The following BOD1L1 variants were observed in gnomAD, a reference collection of about 807,000 sequenced individuals.
The protein encoded by BOD1L1 is biorientation of chromosomes in cell division protein 1-like 1.
Under a neutral mutation model 240.7 loss-of-function variants are expected in BOD1L1, and 86 were observed. That is an observed-to-expected ratio of 0.36 (90% CI 0.30 to 0.43). BOD1L1 has a LOEUF of 0.43. Ranked by LOEUF, BOD1L1 falls within the 20% of genes least tolerant of loss-of-function variation. The pLI is 1.00. For synonymous variants in BOD1L1, 1,268 were observed against 1,272.3 expected (o/e 1.00, Z 0.07); for missense variants, 3,554 against 3,643.5 (o/e 0.98, Z 0.63).
chr4:13,573,494 TTTGAGAAAGAGCCTCTA>T (rs1712419052), intron 25 of BOD1L1, among the ~76,000 whole-genome samples: 2 of 127,082 alleles, frequency 1.6e-5, no homozygotes, highest in South Asian at 2.7e-4. Context: ...CTTTCTTTCT[TTTGAGAAAGAGCCTCTA>T]TCTATCTATC....
intron 25 of BOD1L1, among the ~76,000 whole-genome samples, chr4:13,573,409 C>CTTCT (rs1396213382): frequency 5.7e-5 from 8 of 140,346 alleles, no homozygotes; most frequent in African/African-American, 1.8e-4. Flanking sequence ...ACAGAGTTTG[C>CTTCT]TTCTATCTAT....
chr4:13,590,535 C>G lies in BOD1L1; in HGVS notation c.8149-89G>C. ...GAAGAGAGAAGGTAATTTACATAAC[C>G]TGGCTATTTGTACAAATGCCAAAAG... On this transcript the variant is annotated intron_variant, in intron 13 of 25. Coordinates refer to ENST00000040738, the MANE Select transcript of BOD1L1 (RefSeq NM_148894.3). The G allele has an allele frequency of 5.0e-6, 3 of 605,234 alleles. No individual in the cohort carries two copies. The South Asian group carries it at 7.5e-5, about 15-fold the overall frequency. The allele number at this position is 605,234 out of a possible 1,614,324, so 37.5% of individuals were successfully genotyped here. A position where few individuals can be genotyped will look rare whatever the true frequency, so the allele number is the denominator to read the frequency against.
Position 13,577,453 on chromosome 4 carries a change from C to T in BOD1L1, c.8834G>A (p.Arg2945His), listed in dbSNP as rs79644139. ...ACGTTTGGGTTTTCTTCCTCTCCGA[C>T]GCACACTTGTTACTATTTTTTCTTC... ...DGEEKIVTSV[R>H]RRGRKPKRSL... The change falls in exon 24 of 26, where the codon CGT (arginine) becomes CAT (histidine). Residue 2945 changes from arginine (R) to histidine (H), a missense_variant. Arg to His is a conservative substitution (Grantham distance 29). This residue lies in a region of BOD1L1 where 3,393 missense variants were observed against 3,427.1 expected (regional missense o/e 0.99). Transcript: ENST00000040738. 6.0e-5 allele frequency: 97 copies of T among 1,613,750 alleles called. 1 individual carries two copies. Among genetic ancestry groups the T allele is most frequent in the Middle Eastern group, 5.0e-4 (3 of 6,060 alleles).
At position 13,573,442 on chromosome 4, in the gene BOD1L1, G is replaced by GTCTGTCTATCTATCTATCTATCTA. The variant is rs1384944208; in HGVS notation, c.9039-3315_9039-3314insTAGATAGATAGATAGATAGACAGA. 1.8e-3 allele frequency among the ~76,000 whole-genome samples: 218 copies of GTCTGTCTATCTATCTATCTATCTA among 120,832 alleles called. 2 individuals are homozygous for GTCTGTCTATCTATCTATCTATCTA. Among genetic ancestry groups the GTCTGTCTATCTATCTATCTATCTA allele is most frequent in the East Asian group, 0.012 (50 of 4,280 alleles). 79.3% of individuals were successfully genotyped at this position (120,832 alleles called of 152,430 possible). Reference sequence around the variant, plus strand: ...TATCTGTCTGTCTGTCTGTCTGTCTGTCTATCTATCTATCTATCTATCTAT... The same window carrying GTCTGTCTATCTATCTATCTATCTA: ...TATCTGTCTGTCTGTCTGTCTGTCTGTCTGTCTATCTATCTATCTATCTATCTATCTATCTATCTATCTATCTAT... On this transcript the variant is annotated intron_variant, in intron 25 of 25. Transcript: ENST00000040738.
chr4:13,576,905 C>G lies in BOD1L1; in HGVS notation c.8971G>C (p.Glu2991Gln). 6.2e-7 allele frequency: 1 copy of G among 1,613,828 alleles called. No homozygotes were observed. Among genetic ancestry groups the G allele is most frequent in the Non-Finnish European group, 8.5e-7 (1 of 1,179,688 alleles). The change falls in exon 25 of 26, where the codon GAA becomes CAA. Residue 2991 changes from glutamate to glutamine, a missense_variant. This residue lies in a region of BOD1L1 where 3,393 missense variants were observed against 3,427.1 expected (regional missense o/e 0.99). Transcript: ENST00000040738. The part of the protein sequence containing the change: ...KKEQESDEEE[E>Q]EEEEDEPSGA... Reference sequence around the variant, plus strand: ...GAAGGCTCGTCCTCTTCCTCTTCTTCCTCTTCCTCATCAGACTCCTGCTCT... The same window carrying G: ...GAAGGCTCGTCCTCTTCCTCTTCTTGCTCTTCCTCATCAGACTCCTGCTCT...
In BOD1L1 at chr4:13,604,275, C is replaced by G; in HGVS notation, c.2625G>C (p.Lys875Asn). ...QRRSESYSEDKCDMDSTNMDS... is the reference protein window; with the variant it reads ...QRRSESYSEDNCDMDSTNMDS... ...CCATGTTAGTGGAGTCCATATCACA[C>G]TTATCTTCCGAATAACTTTCACTTC... is the stretch of plus-strand genomic sequence containing the variant. Residue 875 changes from lysine to asparagine, a missense_variant, in exon 10 of 26, where the codon AAG (lysine) becomes AAC (asparagine). Transcript: ENST00000040738. 1 of 1,608,888 alleles carries G rather than the reference C, an allele frequency of 6.2e-7. No individual in the cohort carries two copies. The highest frequency in any genetic ancestry group is 8.5e-7 in the Non-Finnish European group (1 of 1,178,786).
intron 12 of BOD1L1, among the ~76,000 whole-genome samples, chr4:13,594,653 T>C (rs920602598): frequency 6.6e-6 from 1 of 152,134 alleles, no homozygotes; most frequent in Non-Finnish European, 1.5e-5. Flanking sequence ...CCTCAGCACT[T>C]TGGGAGGCCA....
At chr4:13,575,417 G>T (rs968036519) in intron 25 of BOD1L1, among the ~76,000 whole-genome samples, 3 of 152,126 alleles carry the variant, frequency 2.0e-5, no homozygotes, top group African/African-American at 7.2e-5. Flanking sequence ...GAGTCTCACT[G>T]TCACCCAGGC....
intron 1 of BOD1L1, chr4:13,624,968 CT>C (rs1717284739): frequency 6.6e-6 from 1 of 152,214 alleles, no homozygotes; most frequent in Non-Finnish European, 1.5e-5. Context: ...GAATCTTCTA[CT>C]TTGGCCCACG....
At position 13,614,816 on chromosome 4, in the gene BOD1L1, A is replaced by C; in HGVS notation, c.560-6T>G. On this transcript the variant is annotated splice_region_variant and splice_polypyrimidine_tract_variant and intron_variant, in intron 3 of 25. Transcript: ENST00000040738. The stretch of plus-strand genomic sequence containing the variant: ...GGGCCCAGGAGTAGGAACACCTTAA[A>C]GAAAAACAGAAGTTTTAGAATACAT... 1 of 1,590,936 alleles carries C rather than the reference A, an allele frequency of 6.3e-7. No individual in the cohort carries two copies.
At position 13,603,315 on chromosome 4, in the gene BOD1L1, C is replaced by T; in HGVS notation, c.3585G>A (p.Lys1195=). Residue 1195 remains lysine (K), a synonymous_variant, in exon 10 of 26, where the codon AAG becomes AAA. Transcript: ENST00000040738. ...TCAAGGTGCTTCTATGATCGGCATG[C>T]TTTTCAGAATTACTATTAACTCCTG... ...RGTGVNSNSE[K]HADHRSTLTK... 6.2e-7 allele frequency: 1 copy of T among 1,614,004 alleles called. No individual in the cohort carries two copies.
Position 13,582,681 on chromosome 4 carries a change from C to G in BOD1L1, c.8489G>C (p.Ser2830Thr). ...TTCTTCCATGACCCTTGAGGTAGTG[C>G]TATTTGTCTCAGAACTGGTTTTAGG... ...ELPKTSSETN[S>T]TTSRVMEEKD... Residue 2830 changes from serine (S) to threonine (T), a missense_variant, in exon 18 of 26, where the codon AGC becomes ACC. Ser to Thr is a moderately conservative substitution (Grantham distance 58). This residue lies in a region of BOD1L1 where 3,393 missense variants were observed against 3,427.1 expected (regional missense o/e 0.99). Transcript: ENST00000040738. 1 of 1,613,052 alleles carries G rather than the reference C, an allele frequency of 6.2e-7. No homozygotes were observed. Among genetic ancestry groups the G allele is most frequent in the Non-Finnish European group, 8.5e-7 (1 of 1,179,082 alleles).
At chr4:13,573,520 T>C (rs1389323657) in intron 25 of BOD1L1, among the ~76,000 whole-genome samples, 2 of 105,380 alleles carry the variant, frequency 1.9e-5, no homozygotes, top group Non-Finnish European at 4.2e-5. Flanking sequence ...TATCTATCTA[T>C]CTTTCTTTCT....
intron 1 of BOD1L1, among the ~76,000 whole-genome samples, chr4:13,620,928 T>C (rs887492149): frequency 1.3e-5 from 2 of 152,132 alleles, no homozygotes; most frequent in Admixed American, 6.5e-5. Flanking sequence ...CAAGGGACGC[T>C]TGGCAATGTC....
intron 2 of BOD1L1, among the ~76,000 whole-genome samples, chr4:13,616,698 T>A (rs1229679682): frequency 6.6e-6 from 1 of 152,168 alleles, no homozygotes; most frequent in Non-Finnish European, 1.5e-5. Flanking sequence ...TGCACTTCCA[T>A]CTGGAGTGCA....
Position 13,599,021 on chromosome 4 carries a change from T to G in BOD1L1, c.7879A>C (p.Ser2627Arg), listed in dbSNP as rs771998946. 10 of 1,614,008 alleles carry G rather than the reference T, an allele frequency of 6.2e-6. No individual in the cohort carries two copies. In the Admixed American group the frequency reaches 1.7e-4, roughly 27 times the overall value. ...TCCTCAGGGAATGATTTCCTTGTGC[T>G]GTTATCATCTCCTGTTTTCTCAGCA... Reference protein sequence around the residue: ...ASAEKTGDDNSTRKSFPEEGD... With the variant: ...ASAEKTGDDNRTRKSFPEEGD... The change falls in exon 10 of 26, where the codon AGC becomes CGC. Residue 2627 changes from serine to arginine, a missense_variant. Ser to Arg is a moderately radical substitution (Grantham distance 110). Coordinates refer to ENST00000040738, the MANE Select transcript of BOD1L1 (RefSeq NM_148894.3).
chr4:13,601,324 C>T lies in BOD1L1; in HGVS notation c.5576G>A (p.Gly1859Asp). 6.2e-7 allele frequency: 1 copy of T among 1,614,040 alleles called. No individual in the cohort carries two copies. Among genetic ancestry groups the T allele is most frequent in the Non-Finnish European group, 8.5e-7 (1 of 1,179,900 alleles). ...CDDEGIVTST[G>D]AKEEDEEGED... ...CCCTTCCTCGTCTTCCTCTTTTGCG[C>T]CTGTGCTAGTCACAATGCCTTCATC... The change falls in exon 10 of 26, where the codon GGC becomes GAC. Residue 1859 changes from glycine (G) to aspartate (D), a missense_variant. Transcript: ENST00000040738.
At chr4:13,612,711 A>G (rs1716266617) in intron 5 of BOD1L1, among the ~76,000 whole-genome samples, 1 of 152,108 alleles carries the variant, frequency 6.6e-6, no homozygotes, top group Admixed American at 6.6e-5. Flanking sequence ...GCCTGACTGG[A>G]GTGTTTCAGA....
chr4:13,601,619 C>A lies in BOD1L1; in HGVS notation c.5281G>T (p.Val1761Phe). The A allele has an allele frequency of 6.2e-7, 1 of 1,614,010 alleles. No individual in the cohort carries two copies. Among genetic ancestry groups the A allele is most frequent in the Non-Finnish European group, 8.5e-7 (1 of 1,179,898 alleles). Residue 1761 changes from valine (V) to phenylalanine (F), a missense_variant, in exon 10 of 26, where the codon GTC becomes TTC. Around this residue, in one of 2 missense-constraint regions of BOD1L1, gnomAD observed 3,393 missense variants for 3,427.1 expected, o/e 0.99. Coordinates refer to ENST00000040738, the MANE Select transcript of BOD1L1 (RefSeq NM_148894.3). Reference sequence around the variant, plus strand: ...GGTGGTGCATCATTATCTCCCAGGACAACACCTGCACCTGTAACCATGCGT... The same window carrying A: ...GGTGGTGCATCATTATCTCCCAGGAAAACACCTGCACCTGTAACCATGCGT... ...EERMVTGAGV[V>F]LGDNDAPPGT...
Sources: gnomAD v4.1 joint callset for allele counts (sites outside exome capture counted in the v4.1 genomes callset) on GRCh38, gnomAD v4.1.1 for gene constraint, gnomAD v4.1.1 regional missense constraint, MANE v1.5 for transcripts, NCBI Gene and HGNC (gene_info 2026-07-23, HGNC 2026-07-21) for gene names.